CSPP1: variants seen among roughly 807,000 people sequenced by gnomAD.
The protein encoded by CSPP1 is centrosome and spindle pole-associated protein 1.
In CSPP1, 126 loss-of-function variants were observed where a neutral mutation model predicts 164.4. The observed-to-expected ratio is 0.77, with a 90% CI of 0.66 to 0.89. The LOEUF is 0.89. Ranked by LOEUF, CSPP1 falls within the 40% of genes least tolerant of loss-of-function variation. The probability of loss-of-function intolerance (pLI) is 0.00; values close to 1 mark genes in which losing one functional copy is unlikely to be tolerated. For synonymous variants in CSPP1, 472 were observed against 476.7 expected (o/e 0.99, Z 0.13); for missense variants, 1,395 against 1,449.8 (o/e 0.96, Z 0.61).
At chr8:67,139,296 C>A (rs1185137554) in intron 17 of CSPP1, among the ~76,000 whole-genome samples, 1 of 152,044 alleles carries the variant, frequency 6.6e-6, no homozygotes, top group Non-Finnish European at 1.5e-5. Context: ...CAATGAGATA[C>A]CATCTCACAC....
chr8:67,120,089 A>T (rs973785136), intron 15 of CSPP1, among the ~76,000 whole-genome samples: 3 of 152,034 alleles, frequency 2.0e-5, no homozygotes, highest in African/African-American at 7.2e-5. Context: ...TTGTATGTGG[A>T]TATTCAGTTT....
Position 67,190,641 on chromosome 8 carries a change from T to A in CSPP1, c.3221-9T>A, listed in dbSNP as rs753184305. 6.2e-7 allele frequency: 1 copy of A among 1,607,098 alleles called. No homozygotes were observed. Among genetic ancestry groups the A allele is most frequent in the African/African-American group, 1.3e-5 (1 of 74,836 alleles). On this transcript the variant is annotated splice_polypyrimidine_tract_variant and intron_variant, in intron 28 of 30. Transcript: ENST00000678616. ...TTAAGACTCCTTCTGCTTTTCGGGGTCCTCTTAGGGGCTTACGGTGAGACA... is the reference window on the plus strand; with the variant it reads ...TTAAGACTCCTTCTGCTTTTCGGGGACCTCTTAGGGGCTTACGGTGAGACA...
intron 1 of CSPP1, chr8:67,065,443 G>A: frequency 3.0e-6 from 2 of 659,646 alleles, no homozygotes; most frequent in Non-Finnish European, 3.8e-6. Flanking sequence ...GGGCTTAAAA[G>A]CAACCGATAG....
At chr8:67,078,652 G>C (rs967860520) in intron 3 of CSPP1, among the ~76,000 whole-genome samples, 3 of 151,944 alleles carry the variant, frequency 2.0e-5, no homozygotes, top group African/African-American at 7.2e-5. Flanking sequence ...TGAGCCACTT[G>C]TGCCTGGCCT....
intron 8 of CSPP1, among the ~76,000 whole-genome samples, chr8:67,103,588 A>G (rs1814621349): frequency 6.6e-6 from 1 of 151,720 alleles, no homozygotes; most frequent in African/African-American, 2.4e-5. Flanking sequence ...TGAGGTCAGG[A>G]GTTCAAGACC....
intron 21 of CSPP1, 133 bp downstream of exon 21, chr8:67,159,270 T>C: frequency 1.2e-6 from 1 of 822,832 alleles, no homozygotes; most frequent in Non-Finnish European, 1.9e-6. Context: ...CTGTTTAGTC[T>C]GGGCACAATG....
At chr8:67,104,890 T>G (rs1815066894) in intron 8 of CSPP1, among the ~76,000 whole-genome samples, 1 of 147,376 alleles carries the variant, frequency 6.8e-6, no homozygotes. Context: ...TTCGCCCGCC[T>G]TGGCCTCCCA....
At chr8:67,097,652 T>C (rs1813092817) in intron 7 of CSPP1, among the ~76,000 whole-genome samples, 1 of 152,062 alleles carries the variant, frequency 6.6e-6, no homozygotes, top group Non-Finnish European at 1.5e-5. Context: ...GCATACCCTT[T>C]TAAGTTTGGA....
At chr8:67,079,224 G>A (rs1474123546) in intron 3 of CSPP1, among the ~76,000 whole-genome samples, 2 of 152,088 alleles carry the variant, frequency 1.3e-5, no homozygotes, top group East Asian at 3.9e-4. Flanking sequence ...CCAGTCCCAG[G>A]TTCTATTGCG....
At chr8:67,168,018 A>G (rs967917357) in intron 24 of CSPP1, among the ~76,000 whole-genome samples, 2 of 152,170 alleles carry the variant, frequency 1.3e-5, no homozygotes, top group Non-Finnish European at 2.9e-5. Context: ...TTGAGCACTG[A>G]GTGAACGAGA....
intron 8 of CSPP1, 72 bp downstream of exon 8, chr8:67,103,207 ACTG>A: frequency 1.2e-6 from 1 of 843,602 alleles, no homozygotes; most frequent in African/African-American, 1.7e-5. Flanking sequence ...AAACTGGCTA[ACTG>A]AAAAAGTAGA....
At chr8:67,071,451 A>C (rs1028034086) in intron 1 of CSPP1, among the ~76,000 whole-genome samples, 1 of 150,612 alleles carries the variant, frequency 6.6e-6, no homozygotes, top group Non-Finnish European at 1.5e-5. Context: ...GTTCTGGGTC[A>C]TCTCTCTTTT....
At position 67,149,925 on chromosome 8, in the gene CSPP1, TA is replaced by T; in HGVS notation, c.2122del (p.Ser708AlafsTer55). On this transcript the variant is annotated frameshift_variant, in exon 18 of 31. Coordinates refer to ENST00000678616, the MANE Select transcript of CSPP1 (RefSeq NM_001382391.1). LOFTEE classifies it high-confidence loss of function. Reference protein sequence around the residue: ...NAENLEDAANKSSGHMQTQSS... With the variant: ...NAENLEDAANXSSGHMQTQSS... The stretch of plus-strand genomic sequence containing the variant: ...CTGAGAACCTAGAAGATGCTGCAAA[TA>T]AAAGCTCAGGTTTTTAATCACTTTT... The T allele has an allele frequency of 6.6e-7, 1 of 1,504,786 alleles. No individual in the cohort carries two copies. Among genetic ancestry groups the T allele is most frequent in the Non-Finnish European group, 8.9e-7 (1 of 1,125,342 alleles). 93.2% of individuals were successfully genotyped at this position (1,504,786 alleles called of 1,614,324 possible).
At chr8:67,158,023 A>G (rs1180941033) in intron 19 of CSPP1, among the ~76,000 whole-genome samples, 1 of 152,228 alleles carries the variant, frequency 6.6e-6, no homozygotes, top group Non-Finnish European at 1.5e-5. Flanking sequence ...AGAATAATCA[A>G]TTCCAAGAAT....
At chr8:67,125,563 G>C (rs1438285626) in intron 15 of CSPP1, among the ~76,000 whole-genome samples, 1 of 151,922 alleles carries the variant, frequency 6.6e-6, no homozygotes, top group Admixed American at 6.6e-5. Context: ...TTCTCTTCCT[G>C]AGACCCCCAT....
At chr8:67,102,063 T>C (rs976164876) in intron 7 of CSPP1, among the ~76,000 whole-genome samples, 1 of 152,192 alleles carries the variant, frequency 6.6e-6, no homozygotes, top group Non-Finnish European at 1.5e-5. Context: ...GAAAAACATT[T>C]TTTCATTATT....
chr8:67,176,896 C>T (rs1451765181), intron 26 of CSPP1, among the ~76,000 whole-genome samples: 1 of 151,726 alleles, frequency 6.6e-6, no homozygotes, highest in Non-Finnish European at 1.5e-5. Context: ...ATAGTGAAAC[C>T]CCCGTCTCTA....
At chr8:67,187,038 G>C (rs1254401423) in intron 28 of CSPP1, among the ~76,000 whole-genome samples, 1 of 151,444 alleles carries the variant, frequency 6.6e-6, no homozygotes, top group Non-Finnish European at 1.5e-5. Flanking sequence ...AGAACTGCCT[G>C]AGGAAAACTA....
At chr8:67,086,791 C>G in intron 4 of CSPP1, 1 of 1,315,458 alleles carries the variant, frequency 7.6e-7, no homozygotes, top group South Asian at 1.2e-5. Flanking sequence ...ACTTAATACA[C>G]TTTGTCAATG....
Sources: gnomAD v4.1 joint callset for allele counts (sites outside exome capture counted in the v4.1 genomes callset) on GRCh38, gnomAD v4.1.1 for gene constraint, MANE v1.5 for transcripts, NCBI Gene and HGNC (gene_info 2026-07-23, HGNC 2026-07-21) for gene names.